LRIG1: variants seen among roughly 807,000 people sequenced by gnomAD.
LRIG1 encodes leucine rich repeats and immunoglobulin like domains 1.
In LRIG1, 48 loss-of-function variants were observed where a neutral mutation model predicts 99.2. The observed-to-expected ratio is 0.48, with a 90% confidence interval of 0.38 to 0.62. The LOEUF (loss-of-function observed/expected upper bound fraction) is 0.62, where lower values mean the gene tolerates loss of function less well. Among genes scored for constraint, LRIG1 ranks in the 20% least tolerant of loss-of-function variants. LRIG1 has a pLI of 0.00. For missense variants in LRIG1, 1,646 were observed against 1,434.4 expected (o/e 1.15, Z -2.38); for synonymous variants, 772 against 596.1 (o/e 1.29, Z -4.30).
rs979720509 is a variant in LRIG1 at position 66,500,964 on chromosome 3, G to C, written c.-557C>G. On this transcript the variant is annotated 5_prime_UTR_variant, in exon 1 of 19. Transcript: ENST00000273261. Reference sequence around the variant, plus strand: ...GCGCGCGCAGCCTCGGGTTCCGCACGGCTCCTCCGCGCAGCAAGAGTCCCG... The same window carrying C: ...GCGCGCGCAGCCTCGGGTTCCGCACCGCTCCTCCGCGCAGCAAGAGTCCCG... 3 of 151,932 alleles carry C rather than the reference G, an allele frequency of 2.0e-5. No individual in the cohort carries two copies. The highest frequency in any genetic ancestry group is 4.4e-5 in the Non-Finnish European group (3 of 68,014). 9.4% of individuals were successfully genotyped at this position (151,932 alleles called of 1,614,324 possible).
chr3:66,404,398 A>G (rs1702186835), intron 9 of LRIG1: 2 of 1,249,482 alleles, frequency 1.6e-6, no homozygotes, highest in Non-Finnish European at 2.1e-6. Flanking sequence ...AGCTGCTAGT[A>G]AACAGTAATA....
chr3:66,406,052 C>G, intron 8 of LRIG1: 1 of 986,884 alleles, frequency 1.0e-6, no homozygotes, highest in Non-Finnish European at 1.2e-6. Flanking sequence ...TTAAATTTTC[C>G]CCCCGAGCCC....
intron 3 of LRIG1, among the ~76,000 whole-genome samples, chr3:66,425,177 C>T (rs1031117563): frequency 6.6e-6 from 1 of 152,210 alleles, no homozygotes; most frequent in African/African-American, 2.4e-5. Context: ...GAAGCATGAC[C>T]CTATCTAGCC....
rs201138450 is a variant in LRIG1 at position 66,427,651 on chromosome 3, T to A, written c.366-10385A>T. Among the ~76,000 whole-genome samples, 249 of 152,332 alleles carry A rather than the reference T, an allele frequency of 1.6e-3. 2 individuals are homozygous for A. Among genetic ancestry groups the A allele is most frequent in the African/African-American group, 5.6e-3 (233 of 41,572 alleles). ...CCTCATCTCTTAAAAAAATTTTTTT[T>A]AAAATTGCAGCACTATCAGACAGGC... is the stretch of plus-strand genomic sequence containing the variant. On this transcript the variant is annotated intron_variant, in intron 3 of 18. Coordinates refer to ENST00000273261, the MANE Select transcript of LRIG1 (RefSeq NM_015541.3).
intron 3 of LRIG1, among the ~76,000 whole-genome samples, chr3:66,432,458 G>A (rs1430020893): frequency 6.6e-6 from 1 of 152,150 alleles, no homozygotes; most frequent in Non-Finnish European, 1.5e-5. Flanking sequence ...AGGAACAGTG[G>A]GAACAAATCT....
chr3:66,498,851 G>A lies in LRIG1; in HGVS notation c.218+1339C>T, dbSNP rs114102804. On this transcript the variant is annotated intron_variant, in intron 1 of 18. Transcript: ENST00000273261. ...GTTAAAGATTCGTGCCCCATTTTGA[G>A]AGGTACAGGATCTTTACATTTAAAA... is the stretch of plus-strand genomic sequence containing the variant. Among the ~76,000 whole-genome samples the A allele has an allele frequency of 5.0e-3, 767 of 152,304 alleles. 4 individuals carry two copies. Among genetic ancestry groups the A allele is most frequent in the African/African-American group, 0.017 (715 of 41,558 alleles).
At chr3:66,445,189 T>C (rs564995183) in intron 3 of LRIG1, among the ~76,000 whole-genome samples, 15 of 152,204 alleles carry the variant, frequency 9.9e-5, no homozygotes, top group East Asian at 1.9e-4. Flanking sequence ...ATTCATTTTA[T>C]TGCCAGAGCA....
At position 66,380,305 on chromosome 3, in the gene LRIG1, G is replaced by A. The variant is rs145550978; in HGVS notation, c.3240C>T (p.Pro1080=). 1.9e-4 allele frequency: 300 copies of A among 1,613,830 alleles called. 4 individuals carry two copies. The African/African-American group carries it at 3.5e-3, about 19-fold the overall frequency. The part of the protein sequence containing the change: ...PESTPLTGQL[P]GKQRVPLLLA... Reference sequence around the variant, plus strand: ...ACAGCAGTGGCACCCTCTGTTTCCCGGGGAGCTGTCCTGTCAGTGGCGTGG... The same window carrying A: ...ACAGCAGTGGCACCCTCTGTTTCCCAGGGAGCTGTCCTGTCAGTGGCGTGG... The change falls in exon 19 of 19, where the codon CCC becomes CCT. Residue 1080 remains proline, a synonymous_variant. Coordinates refer to ENST00000273261, the MANE Select transcript of LRIG1 (RefSeq NM_015541.3).
chr3:66,491,091 G>A (rs1436976070), intron 1 of LRIG1, among the ~76,000 whole-genome samples: 1 of 151,980 alleles, frequency 6.6e-6, no homozygotes, highest in African/African-American at 2.4e-5. Flanking sequence ...GAGGGTTCCA[G>A]GAACCTAGTT....
chr3:66,484,342 G>A (rs1483732998), intron 1 of LRIG1, among the ~76,000 whole-genome samples: 1 of 152,150 alleles, frequency 6.6e-6, no homozygotes, highest in East Asian at 1.9e-4. Context: ...GAATACAATG[G>A]TGGATTGGAA....
intron 1 of LRIG1, among the ~76,000 whole-genome samples, chr3:66,477,079 A>AT (rs574782300): frequency 6.4e-4 from 98 of 152,300 alleles, no homozygotes; most frequent in Non-Finnish European, 1.1e-3. Flanking sequence ...GGTCAGTTTT[A>AT]TTTTTTTCTT....
In LRIG1 at chr3:66,429,222, T is replaced by C. The variant is rs144895191; in HGVS notation, c.366-11956A>G. Among the ~76,000 whole-genome samples, 436 of 152,258 alleles carry C rather than the reference T, an allele frequency of 2.9e-3. 2 individuals are homozygous for C. Among genetic ancestry groups the C allele is most frequent in the East Asian group, 0.013 (67 of 5,174 alleles). On this transcript the variant is annotated intron_variant, in intron 3 of 18. Transcript: ENST00000273261. ...AGGGACCTTGCTACAGCAGATCCCA[T>C]TTGGTTCTCCCACCCATCAACTTAC...
chr3:66,382,397 A>G lies in LRIG1; in HGVS notation c.2493T>C (p.Asp831=). The G allele has an allele frequency of 6.2e-7, 1 of 1,614,242 alleles. No individual in the cohort carries two copies. The highest frequency in any genetic ancestry group is 1.3e-5 in the African/African-American group (1 of 75,070). ...KSEEYSVTNT[D]ETVVPPDVPS... ...GAACATCTGGTGGCACGACGGTTTC[A>G]TCTGCAAGGAGACAGAACAAATAGA... Residue 831 remains aspartate, a splice_region_variant and synonymous_variant, in exon 16 of 19, where the codon GAT becomes GAC. Coordinates refer to ENST00000273261, the MANE Select transcript of LRIG1 (RefSeq NM_015541.3).
chr3:66,425,627 T>A (rs1702955017), intron 3 of LRIG1, among the ~76,000 whole-genome samples: 1 of 152,148 alleles, frequency 6.6e-6, no homozygotes, highest in African/African-American at 2.4e-5. Context: ...GAACAGTTCT[T>A]ATTGGCCTCA....
intron 9 of LRIG1, among the ~76,000 whole-genome samples, chr3:66,399,586 T>C (rs887731410): frequency 4.6e-5 from 7 of 152,086 alleles, no homozygotes; most frequent in African/African-American, 7.2e-5. Context: ...CTGGACAACA[T>C]AGGGCAACCT....
Position 66,462,503 on chromosome 3 carries a change from C to T in LRIG1, c.225G>A (p.Leu75=). Residue 75 remains leucine, a synonymous_variant, in exon 2 of 19, where the codon CTG becomes CTA. Transcript: ENST00000273261. ...DLPSWTRSLN[L]SYNKLSEIDP... is the part of the protein sequence containing the mutation. ...CAATCTCAGAGAGTTTGTTGTAACTCAGGTTTCTGGTAAAGACAGAGAGAG... is the reference window on the plus strand; with the variant it reads ...CAATCTCAGAGAGTTTGTTGTAACTTAGGTTTCTGGTAAAGACAGAGAGAG... 6.2e-7 allele frequency: 1 copy of T among 1,610,778 alleles called. No individual in the cohort carries two copies. The highest frequency in any genetic ancestry group is 1.1e-5 in the South Asian group (1 of 90,446).
At chr3:66,489,386 G>A (rs563987265) in intron 1 of LRIG1, among the ~76,000 whole-genome samples, 5 of 152,156 alleles carry the variant, frequency 3.3e-5, no homozygotes, top group Non-Finnish European at 7.3e-5. Flanking sequence ...GCCAGGTGTG[G>A]TGGCACATGC....
intron 2 of LRIG1, among the ~76,000 whole-genome samples, 189 bp downstream of exon 2, chr3:66,462,249 C>T (rs1168110715): frequency 6.6e-6 from 1 of 152,176 alleles, no homozygotes; most frequent in African/African-American, 2.4e-5. Context: ...TTGTAACACA[C>T]CCTTCAAGAG....
At chr3:66,416,203 T>C (rs1255686346) in intron 4 of LRIG1, among the ~76,000 whole-genome samples, 1 of 152,220 alleles carries the variant, frequency 6.6e-6, no homozygotes, top group Non-Finnish European at 1.5e-5. Context: ...TGGACACCTT[T>C]TGAGGGCCCA....
Sources: gnomAD v4.1 joint callset for allele counts (sites outside exome capture counted in the v4.1 genomes callset) on GRCh38, gnomAD v4.1.1 for gene constraint, MANE v1.5 for transcripts, NCBI Gene and HGNC (gene_info 2026-07-23, HGNC 2026-07-21) for gene names.